The following ERLEC1 variants were observed in gnomAD, a reference collection of about 807,000 sequenced individuals.
ERLEC1 encodes the protein ER lectin.
In ERLEC1, 47 loss-of-function variants were observed where a neutral mutation model predicts 68.0. That is an observed-to-expected ratio of 0.69 (90% confidence interval 0.55 to 0.88). The LOEUF is 0.88. Ranked by LOEUF, ERLEC1 falls within the 40% of genes least tolerant of loss-of-function variation. The pLI, the probability that ERLEC1 is intolerant of heterozygous loss-of-function variation, is 0.00. For missense variants in ERLEC1, 567 were observed against 583.8 expected (o/e 0.97, Z 0.30); for synonymous variants, 225 against 203.2 (o/e 1.11, Z -0.91).
rs750929390 is a variant in ERLEC1 at position 53,801,720 on chromosome 2, G to A, written c.757G>A (p.Ala253Thr). The change falls in exon 8 of 14, where the codon GCA (alanine) becomes ACA (threonine). Residue 253 changes from alanine to threonine, a missense_variant. Physicochemically the swap from Ala to Thr is moderately conservative, Grantham distance 58. Coordinates refer to ENST00000185150, the MANE Select transcript of ERLEC1 (RefSeq NM_015701.5). ...TTTGTTCCTACTGAACAGGTTCAGA[G>A]CATCTCCTGTGAATGACATATTTTG... Reference protein sequence around the residue: ...LCSHPKYRFRASPVNDIFCQS... With the variant: ...LCSHPKYRFRTSPVNDIFCQS... 1.1e-5 allele frequency: 18 copies of A among 1,614,060 alleles called. No homozygotes were observed. Among genetic ancestry groups the A allele is most frequent in the Non-Finnish European group, 1.4e-5 (17 of 1,179,950 alleles).
chr2:53,807,913 T>C (rs1221150717), intron 8 of ERLEC1, among the ~76,000 whole-genome samples: 1 of 151,884 alleles, frequency 6.6e-6, no homozygotes, highest in Non-Finnish European at 1.5e-5. Context: ...TAATCCTAGC[T>C]ACTTTGGAGG....
chr2:53,795,574 ATTTG>A (rs1446808870), intron 2 of ERLEC1, among the ~76,000 whole-genome samples: 1 of 152,226 alleles, frequency 6.6e-6, no homozygotes. Flanking sequence ...ATAGCTAAGA[ATTTG>A]TTTGGGTACA....
Position 53,818,032 on chromosome 2 carries a change from T to C in ERLEC1, c.*63T>C. On this transcript the variant is annotated 3_prime_UTR_variant, in exon 14 of 14. Transcript: ENST00000185150. ...AGTCATGATAATTTCTGTCCCACTGTGTCTCATTATAGAGTTCTCAGCCAT... is the reference window on the plus strand; with the variant it reads ...AGTCATGATAATTTCTGTCCCACTGCGTCTCATTATAGAGTTCTCAGCCAT... 1 of 1,071,688 alleles carries C rather than the reference T, an allele frequency of 9.3e-7. No individual in the cohort carries two copies. The highest frequency in any genetic ancestry group is 1.4e-6 in the Non-Finnish European group (1 of 690,044). 66.4% of individuals were successfully genotyped at this position (1,071,688 alleles called of 1,614,324 possible).
Position 53,814,995 on chromosome 2 carries a change from C to CTTTTTTTTTTTTTTT in ERLEC1, c.1380+67_1380+81dup, listed in dbSNP as rs777632156. The CTTTTTTTTTTTTTTT allele has an allele frequency of 6.1e-4, 287 of 470,030 alleles. 1 individual carries two copies. Among genetic ancestry groups the CTTTTTTTTTTTTTTT allele is most frequent in the East Asian group, 1.6e-3 (28 of 17,580 alleles). The allele number at this position is 470,030 out of a possible 1,614,324, so 29.1% of individuals were successfully genotyped here. A position where few individuals can be genotyped will look rare whatever the true frequency, so the allele number is the denominator to read the frequency against. ...TTGAGCCATGTTTTAATTTTTTTTT[C>CTTTTTTTTTTTTTTT]TTTTTTTTTTTTTTTTTTTTTGTTT... On this transcript the variant is annotated intron_variant, in intron 13 of 13. Transcript: ENST00000185150.
At chr2:53,796,163 A>T (rs1675686636) in intron 3 of ERLEC1, 150 bp downstream of exon 3, 1 of 500,082 alleles carries the variant, frequency 2.0e-6, no homozygotes, top group Non-Finnish European at 3.4e-6. Context: ...CAGGATTGTT[A>T]TATAGGTAAA....
At chr2:53,803,049 G>A (rs1676085673) in intron 8 of ERLEC1, among the ~76,000 whole-genome samples, 1 of 152,180 alleles carries the variant, frequency 6.6e-6, no homozygotes, top group Admixed American at 6.5e-5. Context: ...AACCCAGGAA[G>A]AGATAACTAC....
intron 1 of ERLEC1, 124 bp downstream of exon 1, chr2:53,787,496 C>T (rs893175586): frequency 1.5e-5 from 17 of 1,166,412 alleles, no homozygotes; most frequent in Non-Finnish European, 2.0e-5. Context: ...CTTCCCCAAG[C>T]CAAAGCTGCT....
At chr2:53,811,675 A>G (rs1676598066) in intron 10 of ERLEC1, among the ~76,000 whole-genome samples, 1 of 152,224 alleles carries the variant, frequency 6.6e-6, no homozygotes, top group Non-Finnish European at 1.5e-5. Flanking sequence ...AAATAGAAAC[A>G]AAGGTTCAAT....
At chr2:53,809,733 A>G (rs939271051) in intron 10 of ERLEC1, among the ~76,000 whole-genome samples, 1 of 152,130 alleles carries the variant, frequency 6.6e-6, no homozygotes, top group East Asian at 1.9e-4. Context: ...AGCCAGGGTA[A>G]CAGAGTGAGA....
intron 1 of ERLEC1, among the ~76,000 whole-genome samples, chr2:53,789,639 G>A (rs954098610): frequency 2.0e-5 from 3 of 151,938 alleles, no homozygotes; most frequent in African/African-American, 2.4e-5. Context: ...TGTCCTTTAT[G>A]TAAAAATAAG....
chr2:53,816,480 C>G (rs966544960), intron 13 of ERLEC1, among the ~76,000 whole-genome samples: 1 of 151,752 alleles, frequency 6.6e-6, no homozygotes, highest in Non-Finnish European at 1.5e-5. Context: ...TGTTGGCTAG[C>G]CTAGTCTCGA....
chr2:53,801,463 C>A lies in ERLEC1; in HGVS notation c.592C>A (p.Pro198Thr). The A allele has an allele frequency of 6.2e-7, 1 of 1,613,856 alleles. No individual in the cohort carries two copies. Among genetic ancestry groups the A allele is most frequent in the South Asian group, 1.1e-5 (1 of 91,072 alleles). Reference sequence around the variant, plus strand: ...TCCTGTGGGAATGGGAAATGGTACACCTTGTAGTTTGAAACAGAACCGGCC... The same window carrying A: ...TCCTGTGGGAATGGGAAATGGTACAACTTGTAGTTTGAAACAGAACCGGCC... ...YYPVGMGNGT[P>T]CSLKQNRPRS... The change falls in exon 7 of 14, where the codon CCT becomes ACT. Residue 198 changes from proline (P) to threonine (T), a missense_variant. Physicochemically the swap from Pro to Thr is conservative, Grantham distance 38 (BLOSUM62 -1). Transcript: ENST00000185150.
intron 7 of ERLEC1, 29 bp downstream of exon 7, chr2:53,801,649 TA>T: frequency 6.2e-7 from 1 of 1,613,050 alleles, no homozygotes; most frequent in Non-Finnish European, 8.5e-7. Context: ...ATTTTAAACA[TA>T]AAATGCACAC....
intron 4 of ERLEC1, 40 bp downstream of exon 4, chr2:53,797,632 G>A (rs2104294549): frequency 6.4e-7 from 1 of 1,574,244 alleles, no homozygotes; most frequent in Non-Finnish European, 8.7e-7. Flanking sequence ...AACATTATAA[G>A]ATGAGAACTT....
At chr2:53,787,864 G>A (rs1675150328) in intron 1 of ERLEC1, among the ~76,000 whole-genome samples, 1 of 152,216 alleles carries the variant, frequency 6.6e-6, no homozygotes, top group Admixed American at 6.5e-5. Context: ...ACAGCTCCAA[G>A]GGAACTTTTT....
chr2:53,810,022 G>A (rs1381306400), intron 10 of ERLEC1, among the ~76,000 whole-genome samples: 3 of 152,196 alleles, frequency 2.0e-5, no homozygotes, highest in Non-Finnish European at 4.4e-5. Flanking sequence ...CTGCATTCCA[G>A]CTTGAGCAAC....
chr2:53,794,556 G>A (rs1041642586), intron 2 of ERLEC1, 107 bp downstream of exon 2: 20 of 572,416 alleles, frequency 3.5e-5, no homozygotes, highest in South Asian at 2.6e-4. Context: ...TCTCAATAAC[G>A]CTCTTTTAGC....
intron 13 of ERLEC1, among the ~76,000 whole-genome samples, chr2:53,816,594 G>C (rs1676909842): frequency 6.6e-6 from 1 of 151,862 alleles, no homozygotes; most frequent in Non-Finnish European, 1.5e-5. Context: ...ATGTCTTTTG[G>C]TGAATGAAAA....
At chr2:53,789,509 C>T (rs1216947725) in intron 1 of ERLEC1, among the ~76,000 whole-genome samples, 1 of 152,080 alleles carries the variant, frequency 6.6e-6, no homozygotes, top group Non-Finnish European at 1.5e-5. Context: ...CATCCTTCTG[C>T]CTCAGCCTCC....
Sources: allele counts gnomAD v4.1 joint callset (sites outside exome capture counted in the v4.1 genomes callset), GRCh38; gene constraint gnomAD v4.1.1; transcripts MANE v1.5; gene names NCBI Gene and HGNC (gene_info 2026-07-23, HGNC 2026-07-21).